The following SMCHD1 variants were observed in gnomAD, a reference collection of about 807,000 sequenced individuals.
SMCHD1 encodes the protein structural maintenance of chromosomes flexible hinge domain-containing protein 1.
A neutral mutation model predicts 254.7 loss-of-function variants in SMCHD1; 78 were observed. That is an observed-to-expected ratio of 0.31 (90% CI 0.26 to 0.37). The LOEUF (loss-of-function observed/expected upper bound fraction) is 0.37. SMCHD1 is among the 10% of genes least tolerant of loss of function. The pLI, the probability that SMCHD1 is intolerant of heterozygous loss-of-function variation, is 1.00. For missense variants in SMCHD1, 1,840 were observed against 2,408.1 expected, an observed-to-expected ratio of 0.76 and a Z score of 4.94; for synonymous variants, 766 against 794.9, an observed-to-expected ratio of 0.96 and a Z score of 0.61.
intron 47 of SMCHD1, among the ~76,000 whole-genome samples, chr18:2,802,064 T>A (rs1473130906): frequency 6.6e-6 from 1 of 152,156 alleles, no homozygotes; most frequent in African/African-American, 2.4e-5. Context: ...CCTGAATTTT[T>A]AAAATCTGTA....
intron 41 of SMCHD1, among the ~76,000 whole-genome samples, chr18:2,773,088 T>A (rs899364995): frequency 2.6e-5 from 4 of 152,206 alleles, no homozygotes; most frequent in South Asian, 2.1e-4. Context: ...ATATGCCCTA[T>A]AACTTCACAA....
chr18:2,796,208 C>A, intron 46 of SMCHD1, 101 bp downstream of exon 46: 1 of 1,128,202 alleles, frequency 8.9e-7, no homozygotes, highest in Non-Finnish European at 1.2e-6. Context: ...GCAAATGATT[C>A]AGAACTTAAC....
At chr18:2,684,200 A>C (rs2073990380) in intron 5 of SMCHD1, among the ~76,000 whole-genome samples, 1 of 152,196 alleles carries the variant, frequency 6.6e-6, no homozygotes, top group South Asian at 2.1e-4. Flanking sequence ...AACAGACTCA[A>C]GTTATAAAAG....
intron 4 of SMCHD1, 93 bp downstream of exon 4, chr18:2,673,456 A>C: frequency 1.1e-6 from 1 of 930,840 alleles, no homozygotes; most frequent in Non-Finnish European, 1.5e-6. Context: ...AGATAAAACT[A>C]AAAGTAGAAA....
chr18:2,796,535 A>T lies in SMCHD1; in HGVS notation c.5993+14A>T, dbSNP rs550824284. The T allele has an allele frequency of 4.0e-6, 6 of 1,507,372 alleles. No individual in the cohort carries two copies. Among genetic ancestry groups the T allele is most frequent in the Admixed American group, 3.8e-5 (2 of 52,948 alleles). The allele number at this position is 1,507,372 out of a possible 1,614,324, so 93.4% of individuals were successfully genotyped here. ...AAGACAAAATAGGTGAGTTTGTTTGACCTGAGAATTATGCTTGGTTAGTTT... is the reference window on the plus strand; with the variant it reads ...AAGACAAAATAGGTGAGTTTGTTTGTCCTGAGAATTATGCTTGGTTAGTTT... On this transcript the variant is annotated intron_variant, in intron 47 of 47. Transcript: ENST00000320876.
At position 2,747,523 on chromosome 18, in the gene SMCHD1, C is replaced by T. The variant is rs747273027; in HGVS notation, c.3803C>T (p.Ser1268Phe). 2.5e-6 allele frequency: 4 copies of T among 1,600,286 alleles called. No individual in the cohort carries two copies. The highest frequency in any genetic ancestry group is 1.7e-5 in the Admixed American group (1 of 58,684). Reference protein sequence around the residue: ...LLIDWPELKESIPVINGRDLQ... With the variant: ...LLIDWPELKEFIPVINGRDLQ... Reference sequence around the variant, plus strand: ...TTAAAATATTTCTATTCTTTTCAGTCCATTCCAGTGATTAATGGAAGAGAT... The same window carrying T: ...TTAAAATATTTCTATTCTTTTCAGTTCATTCCAGTGATTAATGGAAGAGAT... Residue 1268 changes from serine to phenylalanine, a missense_variant and splice_region_variant, in exon 30 of 48, where the codon TCC becomes TTC. Physicochemically the swap from Ser to Phe is radical, Grantham distance 155. Around this residue, in one of 9 missense-constraint regions of SMCHD1, gnomAD observed 881 missense variants for 1,009.5 expected, o/e 0.87. Transcript: ENST00000320876.
At chr18:2,764,156 T>C (rs1174187058) in intron 37 of SMCHD1, 2 of 185,330 alleles carry the variant, frequency 1.1e-5, no homozygotes, top group African/African-American at 4.8e-5. Context: ...TTTTCTAAAA[T>C]GAAAATAGTT....
intron 43 of SMCHD1, 53 bp downstream of exon 43, chr18:2,777,968 C>T (rs907086839): frequency 2.5e-6 from 3 of 1,179,262 alleles, no homozygotes; most frequent in Non-Finnish European, 3.6e-6. Context: ...ATTTGTGACA[C>T]AAATCTATAA....
At chr18:2,662,015 C>CGGGCGCGGTGGT (rs1403326776) in intron 1 of SMCHD1, among the ~76,000 whole-genome samples, 3 of 142,350 alleles carry the variant, frequency 2.1e-5, no homozygotes, top group African/African-American at 8.8e-5. Flanking sequence ...AAAAATTAGC[C>CGGGCGCGGTGGT]GGGCGCGGTG....
chr18:2,784,406 T>A (rs1568383723), intron 44 of SMCHD1, 44 bp from the exon 45 acceptor site: 1 of 1,479,188 alleles, frequency 6.8e-7, no homozygotes, highest in South Asian at 1.3e-5. Flanking sequence ...TTGGAGCAGT[T>A]GAAATAAGTT....
intron 35 of SMCHD1, among the ~76,000 whole-genome samples, chr18:2,761,773 A>AC (rs2075789951): frequency 6.6e-6 from 1 of 152,202 alleles, no homozygotes; most frequent in African/African-American, 2.4e-5. Flanking sequence ...AGCAGAGATC[A>AC]CCCCTCTGCA....
Position 2,726,533 on chromosome 18 carries a change from A to T in SMCHD1, c.2773+9A>T. ...AATTAGATTACTACCTGGTAATATTATTTCAAGAAATATAATTATTTAAAA... is the reference window on the plus strand; with the variant it reads ...AATTAGATTACTACCTGGTAATATTTTTTCAAGAAATATAATTATTTAAAA... On this transcript the variant is annotated intron_variant, in intron 22 of 47. Coordinates refer to ENST00000320876, the MANE Select transcript of SMCHD1 (RefSeq NM_015295.3). 8.4e-7 allele frequency: 1 copy of T among 1,193,998 alleles called. No individual in the cohort carries two copies. The highest frequency in any genetic ancestry group is 1.6e-5 in the African/African-American group (1 of 64,492). 74.0% of individuals were successfully genotyped at this position (1,193,998 alleles called of 1,614,324 possible).
intron 34 of SMCHD1, among the ~76,000 whole-genome samples, chr18:2,753,958 C>T (rs961112321): frequency 1.8e-4 from 27 of 152,206 alleles, no homozygotes; most frequent in Admixed American, 1.8e-3. Context: ...CCCTGTTTAT[C>T]ATATATTTAT....
intron 17 of SMCHD1, among the ~76,000 whole-genome samples, chr18:2,710,035 G>A (rs981153076): frequency 2.0e-5 from 3 of 152,122 alleles, no homozygotes; most frequent in Non-Finnish European, 2.9e-5. Context: ...CTTTAGCTCT[G>A]TTGTTATTAC....
chr18:2,657,212 AAAT>A, intron 1 of SMCHD1, among the ~76,000 whole-genome samples: 1 of 152,308 alleles, frequency 6.6e-6, no homozygotes, highest in South Asian at 2.1e-4. Context: ...ATGGTTGCTG[AAAT>A]AATTGAAATC....
intron 1 of SMCHD1, among the ~76,000 whole-genome samples, chr18:2,663,801 A>G (rs665106): frequency 0.17 from 25,948 of 150,328 alleles, 5,458 homozygotes; most frequent in African/African-American, 0.5. Flanking sequence ...TGCCAGCTCC[A>G]CCTCCCGGGT....
Position 2,803,995 on chromosome 18 carries a change from T to A in SMCHD1, c.*1443T>A, listed in dbSNP as rs2076407880. 1 of 152,216 alleles carries A rather than the reference T, an allele frequency of 6.6e-6. No individual in the cohort carries two copies. Among genetic ancestry groups the A allele is most frequent in the African/African-American group, 2.4e-5 (1 of 41,464 alleles). 9.4% of individuals were successfully genotyped at this position (152,216 alleles called of 1,614,324 possible). ...CTTATGTGTCATATCTGCGCTCAAA[T>A]GTTTTGAATTTTGGAACATTTCTTG... On this transcript the variant is annotated 3_prime_UTR_variant, in exon 48 of 48. Coordinates refer to ENST00000320876, the MANE Select transcript of SMCHD1 (RefSeq NM_015295.3).
intron 47 of SMCHD1, chr18:2,796,935 G>C (rs2076274602): frequency 6.5e-6 from 1 of 152,996 alleles, no homozygotes; most frequent in South Asian, 2.1e-4. Flanking sequence ...CTTCCTTTGA[G>C]CCAGAATTAA....
In SMCHD1 at chr18:2,762,304, A is replaced by C. The variant is rs1000472977; in HGVS notation, c.4566+68A>C. Reference sequence around the variant, plus strand: ...AAATTATCTTTGATTTTAGGGTACAAAATTATTTGTATGGATTCTGTCAGT... The same window carrying C: ...AAATTATCTTTGATTTTAGGGTACACAATTATTTGTATGGATTCTGTCAGT... On this transcript the variant is annotated intron_variant, in intron 36 of 47. Coordinates refer to ENST00000320876, the MANE Select transcript of SMCHD1 (RefSeq NM_015295.3). 297 of 1,498,628 alleles carry C rather than the reference A, an allele frequency of 2.0e-4. 1 individual carries two copies. Among genetic ancestry groups the C allele is most frequent in the South Asian group, 4.3e-4 (37 of 87,040 alleles). 92.8% of individuals were successfully genotyped at this position (1,498,628 alleles called of 1,614,324 possible).
Sources: allele counts gnomAD v4.1 joint callset (sites outside exome capture counted in the v4.1 genomes callset), GRCh38; gene constraint gnomAD v4.1.1; regional missense constraint gnomAD v4.1.1; transcripts MANE v1.5; gene names NCBI Gene and HGNC (gene_info 2026-07-23, HGNC 2026-07-21).